Variants in ZNF600 observed in about 807,000 individuals in gnomAD.
The protein encoded by ZNF600 is zinc finger protein 600, also known as zinc finger protein KR-ZNF1.
Under a neutral mutation model 7.3 loss-of-function variants are expected in ZNF600, and 4 were observed. The ratio of observed to expected loss-of-function variants is 0.55; its 90% CI spans 0.27 to 1.25. The LOEUF is 1.25. Among genes scored for constraint, ZNF600 ranks in the 50% most tolerant of loss-of-function variants. The pLI is 0.12. For synonymous variants in ZNF600, 290 were observed against 308.9 expected, an observed-to-expected ratio of 0.94 and a Z score of 0.64; for missense variants, 911 against 922.1, an observed-to-expected ratio of 0.99 and a Z score of 0.16.
intron 2 of ZNF600, among the ~76,000 whole-genome samples, chr19:52,777,882 C>T (rs1207195371): frequency 6.6e-6 from 1 of 151,930 alleles, no homozygotes; most frequent in Non-Finnish European, 1.5e-5. Context: ...ATACGGTGAC[C>T]CATGCCTATC....
At chr19:52,802,390 C>T in the ZNF600 span, among the ~76,000 whole-genome samples, 1 of 127,936 alleles carries the variant, frequency 7.8e-6, no homozygotes, top group Admixed American at 7.6e-5. Context: ...AAACAAACAA[C>T]AAAAAAAGGC....
the ZNF600 span, among the ~76,000 whole-genome samples, chr19:52,812,255 C>G: frequency 1.4e-4 from 20 of 139,002 alleles, no homozygotes; most frequent in African/African-American, 5.1e-4. Flanking sequence ...ACGACCCCGT[C>G]TGGGAGGTGT....
At chr19:52,816,234 TG>T in the ZNF600 span, among the ~76,000 whole-genome samples, 77,337 of 145,920 alleles carry the variant, frequency 0.53, 25,406 homozygotes, top group Non-Finnish European at 0.68. Flanking sequence ...TAATAATTGT[TG>T]GGGCTGGGCA....
chr19:52,765,989 C>A (rs2062569893), exon 4 of ZNF600: 1 of 1,614,008 alleles, frequency 6.2e-7, no homozygotes, highest in African/African-American at 1.3e-5. Flanking sequence ...GCACGAAAGC[C>A]TTGTCACAAA....
At chr19:52,818,617 G>C in the ZNF600 span, among the ~76,000 whole-genome samples, 1 of 152,166 alleles carries the variant, frequency 6.6e-6, no homozygotes, top group African/African-American at 2.4e-5. Flanking sequence ...GGCTGAGGTA[G>C]AATTGCTTGA....
At chr19:52,801,917 T>G in the ZNF600 span, among the ~76,000 whole-genome samples, 3 of 152,176 alleles carry the variant, frequency 2.0e-5, no homozygotes, top group African/African-American at 7.2e-5. Context: ...TCCTATATCA[T>G]GACAAAACAC....
chr19:52,766,098 G>A (rs966315821), exon 4 of ZNF600: 2 of 1,614,152 alleles, frequency 1.2e-6, no homozygotes, highest in Admixed American at 1.7e-5. Context: ...ACACTTGTAA[G>A]GTTTCTCACC....
the ZNF600 span, among the ~76,000 whole-genome samples, chr19:52,829,984 C>T: frequency 2.0e-5 from 3 of 152,240 alleles, no homozygotes; most frequent in East Asian, 5.8e-4. Context: ...GTTTAAAAAC[C>T]TGGAGGCAGC....
At chr19:52,826,823 C>G in the ZNF600 span, among the ~76,000 whole-genome samples, 19 of 151,974 alleles carry the variant, frequency 1.3e-4, no homozygotes, top group Non-Finnish European at 2.8e-4. Context: ...GTGCAGTGAG[C>G]TGACAGATAT....
chr19:52,820,699 C>T, the ZNF600 span, among the ~76,000 whole-genome samples: 1 of 152,202 alleles, frequency 6.6e-6, no homozygotes, highest in South Asian at 2.1e-4. Context: ...TGCCCCTCTC[C>T]CTACCTTGCT....
At chr19:52,774,963 G>A (rs1405380046) in intron 2 of ZNF600, among the ~76,000 whole-genome samples, 1 of 152,178 alleles carries the variant, frequency 6.6e-6, no homozygotes, top group Non-Finnish European at 1.5e-5. Flanking sequence ...CACAGGGCCA[G>A]GCATGGTGGT....
chr19:52,765,201 T>C (rs1185820596), exon 4 of ZNF600: 3 of 493,330 alleles, frequency 6.1e-6, no homozygotes, highest in African/African-American at 5.9e-5. Flanking sequence ...AATTTTCTGA[T>C]GTTCTGCAAG....
At chr19:52,830,725 G>A in the ZNF600 span, among the ~76,000 whole-genome samples, 3 of 151,598 alleles carry the variant, frequency 2.0e-5, no homozygotes, top group African/African-American at 7.3e-5. Flanking sequence ...GGCTCACGGG[G>A]AAATTGGGGT....
chr19:52,778,926 G>T lies in ZNF600; in HGVS notation c.-19-19C>A, dbSNP rs1216512777. ...ATCAATCCTGTATGTGAAAAAAAATGAGACTTCTTGTTAGAAATGACTCAC... is the reference window on the plus strand; with the variant it reads ...ATCAATCCTGTATGTGAAAAAAAATTAGACTTCTTGTTAGAAATGACTCAC... On this transcript the variant is annotated intron_variant, in intron 1 of 3. Transcript: ENST00000648973. 4.4e-6 allele frequency: 7 copies of T among 1,578,814 alleles called. No individual in the cohort carries two copies. Among genetic ancestry groups the T allele is most frequent in the South Asian group, 1.1e-5 (1 of 87,026 alleles).
chr19:52,830,862 T>C, the ZNF600 span, among the ~76,000 whole-genome samples: 1,024 of 142,494 alleles, frequency 7.2e-3, 94 homozygotes, highest in African/African-American at 0.027. Flanking sequence ...GTGAACTTTG[T>C]GCATGCACAT....
At chr19:52,810,130 T>A in the ZNF600 span, 1 of 861,770 alleles carries the variant, frequency 1.2e-6, no homozygotes. Context: ...CCGGGACTGG[T>A]CGAGGGTGAC....
intron 3 of ZNF600, among the ~76,000 whole-genome samples, chr19:52,773,202 G>A (rs28667641): frequency 0.31 from 46,772 of 149,546 alleles, 4,922 homozygotes; most frequent in Non-Finnish European, 0.42. Flanking sequence ...GTGCATGCAT[G>A]TCTGTGGGAA....
the ZNF600 span, among the ~76,000 whole-genome samples, chr19:52,809,259 C>T: frequency 0.87 from 132,459 of 151,612 alleles, 58,101 homozygotes; most frequent in East Asian, 0.91. Flanking sequence ...GTAATGCGGA[C>T]GTGCACAGAG....
At chr19:52,782,515 C>T (rs1207589655) in intron 1 of ZNF600, among the ~76,000 whole-genome samples, 1 of 142,180 alleles carries the variant, frequency 7.0e-6, no homozygotes, top group Non-Finnish European at 1.5e-5. Context: ...AAGAGCAAAA[C>T]TGCATCCAAA....
Sources: gnomAD v4.1 joint callset for allele counts (sites outside exome capture counted in the v4.1 genomes callset) on GRCh38, gnomAD v4.1.1 for gene constraint, MANE v1.5 for transcripts, NCBI Gene and HGNC (gene_info 2026-07-23, HGNC 2026-07-21) for gene names.